The following YES1 variants were observed in gnomAD, a reference collection of about 807,000 sequenced individuals.
The protein encoded by YES1 is tyrosine-protein kinase Yes.
In YES1, 39 loss-of-function variants were observed where a neutral mutation model predicts 70.4. The ratio of observed to expected loss-of-function variants is 0.55; its 90% CI spans 0.43 to 0.72. The LOEUF is 0.72. Among genes scored for constraint, YES1 ranks in the 30% least tolerant of loss-of-function variants. YES1 has a pLI of 0.00. For missense variants in YES1, 495 were observed against 644.8 expected, an observed-to-expected ratio of 0.77 and a Z score of 2.52; for synonymous variants, 198 against 218.6, an observed-to-expected ratio of 0.91 and a Z score of 0.83.
intron 8 of YES1, among the ~76,000 whole-genome samples, 169 bp from the exon 9 acceptor site, chr18:739,980 T>A (rs1031573972): frequency 6.6e-6 from 1 of 152,098 alleles, no homozygotes; most frequent in African/African-American, 2.4e-5. Context: ...CTAGAAGAGG[T>A]CTCTAAGCTG....
At chr18:780,234 A>G (rs1423342648) in intron 1 of YES1, among the ~76,000 whole-genome samples, 1 of 152,150 alleles carries the variant, frequency 6.6e-6, no homozygotes, top group Non-Finnish European at 1.5e-5. Context: ...TTTGTCTCCA[A>G]AACAAAAACA....
intron 10 of YES1, 22 bp from the exon 11 acceptor site, chr18:732,987 T>A: frequency 6.2e-7 from 1 of 1,613,584 alleles, no homozygotes; most frequent in Non-Finnish European, 8.5e-7. Flanking sequence ...TTGACCATCT[T>A]GCTTAATTGT....
chr18:733,096 G>T, intron 10 of YES1, 131 bp from the exon 11 acceptor site: 1 of 712,904 alleles, frequency 1.4e-6, no homozygotes, highest in Non-Finnish European at 2.2e-6. Context: ...AAATGTACAA[G>T]ATACATGGGA....
intron 3 of YES1, 75 bp from the exon 4 acceptor site, chr18:748,093 T>C (rs2080301514): frequency 3.4e-6 from 4 of 1,192,730 alleles, no homozygotes; most frequent in East Asian, 4.7e-5. Flanking sequence ...TGCTATCTTG[T>C]ATCTGAAGTA....
rs2079969694 is a variant in YES1, at chr18:722,841, C to G, written c.*1583G>C. 1 of 152,148 alleles carries G rather than the reference C, an allele frequency of 6.6e-6. No individual in the cohort carries two copies. Among genetic ancestry groups the G allele is most frequent in the Admixed American group, 6.5e-5 (1 of 15,272 alleles). The allele number at this position is 152,148 out of a possible 1,614,324, so 9.4% of individuals were successfully genotyped here. On this transcript the variant is annotated 3_prime_UTR_variant, in exon 12 of 12. Coordinates refer to ENST00000314574, the MANE Select transcript of YES1 (RefSeq NM_005433.4). ...GGCGCGGTGGCTCACGCCTGTAATC[C>G]CAGCACTTTGGGAGGCCGAGGCGGG...
Position 736,972 on chromosome 18 carries a change from G to T in YES1, c.1138-11C>A. On this transcript the variant is annotated splice_polypyrimidine_tract_variant and intron_variant, in intron 9 of 11. Transcript: ENST00000314574. The stretch of plus-strand genomic sequence containing the variant: ...CATACCATCAGCAATCTTGGAAAGA[G>T]AAAAACAAAAAACACAAGACATACG... The T allele has an allele frequency of 6.3e-7, 1 of 1,590,518 alleles. No individual in the cohort carries two copies. The highest frequency in any genetic ancestry group is 1.1e-5 in the South Asian group (1 of 87,594).
At position 756,847 on chromosome 18, in the gene YES1, A is replaced by G. The variant is rs370915676; in HGVS notation, c.-8-12T>C. ...GCCCATTATCAAATCTACAGAGACA[A>G]TAAAATATTTTGAGAGTCAGTTAAC... On this transcript the variant is annotated splice_polypyrimidine_tract_variant and intron_variant, in intron 1 of 11. Coordinates refer to ENST00000314574, the MANE Select transcript of YES1 (RefSeq NM_005433.4). 5 of 1,603,574 alleles carry G rather than the reference A, an allele frequency of 3.1e-6. No homozygotes were observed. The African/African-American group carries it at 6.7e-5, about 22-fold the overall frequency.
intron 6 of YES1, 84 bp downstream of exon 6, chr18:745,624 T>A: frequency 1.5e-6 from 2 of 1,324,012 alleles, no homozygotes; most frequent in Non-Finnish European, 2.1e-6. Flanking sequence ...GTGTGTTAAA[T>A]CTTAAGAGAA....
chr18:786,343 A>G (rs190660972), intron 1 of YES1, among the ~76,000 whole-genome samples: 1 of 152,106 alleles, frequency 6.6e-6, no homozygotes, highest in African/African-American at 2.4e-5. Context: ...CTAGAGTAGG[A>G]GGAAGGGGAG....
chr18:741,022 C>T (rs757952742), intron 8 of YES1, among the ~76,000 whole-genome samples: 18 of 151,964 alleles, frequency 1.2e-4, no homozygotes, highest in Non-Finnish European at 4.4e-5. Flanking sequence ...CTCAGCCTCC[C>T]GAGCAGCTGG....
intron 1 of YES1, among the ~76,000 whole-genome samples, chr18:758,215 T>C (rs946727177): frequency 2.6e-5 from 4 of 152,194 alleles, no homozygotes; most frequent in African/African-American, 4.8e-5. Context: ...TGACATTTTA[T>C]TTTTTCATAC....
At chr18:774,457 A>C (rs183130352) in intron 1 of YES1, among the ~76,000 whole-genome samples, 41 of 152,234 alleles carry the variant, frequency 2.7e-4, no homozygotes, top group Admixed American at 3.9e-4. Flanking sequence ...CAAGAAACCT[A>C]ATCTTCCTCC....
At chr18:768,742 A>G (rs1408748078) in intron 1 of YES1, among the ~76,000 whole-genome samples, 5 of 152,166 alleles carry the variant, frequency 3.3e-5, no homozygotes, top group African/African-American at 1.2e-4. Flanking sequence ...TTGCTCTGTC[A>G]CCCAGCCTGG....
At chr18:759,439 C>G (rs1375892622) in intron 1 of YES1, among the ~76,000 whole-genome samples, 2 of 152,194 alleles carry the variant, frequency 1.3e-5, no homozygotes, top group Non-Finnish European at 2.9e-5. Context: ...TGCACTCCAG[C>G]CTGGGCGACA....
chr18:776,374 A>G (rs991596623), intron 1 of YES1, among the ~76,000 whole-genome samples: 1 of 151,908 alleles, frequency 6.6e-6, no homozygotes, highest in Non-Finnish European at 1.5e-5. Context: ...TTTAAAATGT[A>G]TCTGTTTTGG....
chr18:752,358 C>A (rs1259405696), intron 2 of YES1, among the ~76,000 whole-genome samples: 1 of 152,146 alleles, frequency 6.6e-6, no homozygotes, highest in Non-Finnish European at 1.5e-5. Context: ...GATTCGCCTG[C>A]CTTGACCTCC....
chr18:784,963 C>T (rs1323209205), intron 1 of YES1, among the ~76,000 whole-genome samples: 1 of 152,122 alleles, frequency 6.6e-6, no homozygotes, highest in Non-Finnish European at 1.5e-5. Context: ...TACCACAGTA[C>T]CCATGCTTAT....
At chr18:798,876 ATAAACCCGAGAT>A (rs542756899) in intron 1 of YES1, among the ~76,000 whole-genome samples, 1 of 151,070 alleles carries the variant, frequency 6.6e-6, no homozygotes, top group Non-Finnish European at 1.5e-5. Context: ...TACTTTTAAT[ATAAACCCGAGAT>A]GACATGACTC....
At chr18:775,911 G>GT (rs1905356603) in intron 1 of YES1, among the ~76,000 whole-genome samples, 1 of 152,080 alleles carries the variant, frequency 6.6e-6, no homozygotes, top group African/African-American at 2.4e-5. Context: ...GCTGTACTTT[G>GT]TTTTCACTTC....
Sources: gnomAD v4.1 joint callset for allele counts (sites outside exome capture counted in the v4.1 genomes callset) on GRCh38, gnomAD v4.1.1 for gene constraint, MANE v1.5 for transcripts, NCBI Gene and HGNC (gene_info 2026-07-23, HGNC 2026-07-21) for gene names.